WSB1: variants seen among roughly 807,000 people sequenced by gnomAD.
WSB1 encodes the protein WD repeat and SOCS box-containing protein 1.
In WSB1, 23 loss-of-function variants were observed where a neutral mutation model predicts 50.2. The ratio of observed to expected loss-of-function variants is 0.46; its 90% CI spans 0.33 to 0.65. The LOEUF (loss-of-function observed/expected upper bound fraction) is 0.65, where lower values mean the gene tolerates loss of function less well. Ranked by LOEUF, WSB1 falls within the 30% of genes least tolerant of loss-of-function variation. The probability of loss-of-function intolerance (pLI) is 0.02; values close to 1 mark genes in which losing one functional copy is unlikely to be tolerated. For synonymous variants in WSB1, 179 were observed against 172.0 expected, an observed-to-expected ratio of 1.04 and a Z score of -0.32; for missense variants, 492 against 522.3, an observed-to-expected ratio of 0.94 and a Z score of 0.56.
At chr17:27,302,270 G>A (rs1253793361) in intron 2 of WSB1, among the ~76,000 whole-genome samples, 3 of 152,046 alleles carry the variant, frequency 2.0e-5, no homozygotes, top group African/African-American at 7.2e-5. Flanking sequence ...AACTAGCTGG[G>A]CGTGGTGTGG....
intron 1 of WSB1, among the ~76,000 whole-genome samples, chr17:27,296,304 ACTAG>A (rs2016978135): frequency 6.8e-6 from 1 of 146,750 alleles, no homozygotes; most frequent in Admixed American, 6.7e-5. Context: ...ATAAAAACTT[ACTAG>A]CTAAGTGCCA....
chr17:27,312,163 A>T, intron 8 of WSB1, 47 bp from the exon 9 acceptor site: 1 of 1,568,958 alleles, frequency 6.4e-7, no homozygotes, highest in Non-Finnish European at 8.6e-7. Context: ...AGCAACACTG[A>T]AATACATATA....
intron 5 of WSB1, 83 bp downstream of exon 5, chr17:27,306,965 TGAA>T: frequency 7.6e-7 from 1 of 1,320,624 alleles, no homozygotes; most frequent in Non-Finnish European, 1.1e-6. Context: ...AAGTAACCTA[TGAA>T]GTCTGTGCTC....
rs1477152877 is a variant in WSB1 at position 27,306,807 on chromosome 17, G to A, written c.636G>A (p.Gly212=). Reference sequence around the variant, plus strand: ...GAAACATGATGAAAGTATTGAGGGGGCATCAGAATTGGGTGTACAGCTGTG... The same window carrying A: ...GAAACATGATGAAAGTATTGAGGGGACATCAGAATTGGGTGTACAGCTGTG... ...DDGNMMKVLR[G]HQNWVYSCAF... The change falls in exon 5 of 9, where the codon GGG becomes GGA. Residue 212 remains glycine (G), a synonymous_variant. Transcript: ENST00000262394. 6.2e-6 allele frequency: 10 copies of A among 1,613,998 alleles called. No homozygotes were observed. Among genetic ancestry groups the A allele is most frequent in the Admixed American group, 1.7e-5 (1 of 59,992 alleles).
chr17:27,295,032 G>A (rs1273338174), intron 1 of WSB1, among the ~76,000 whole-genome samples: 2 of 152,206 alleles, frequency 1.3e-5, no homozygotes. Flanking sequence ...CAGAAGGAAA[G>A]CTTTTGTGCG....
intron 1 of WSB1, chr17:27,297,313 G>C (rs1055112148): frequency 6.6e-6 from 1 of 151,854 alleles, no homozygotes; most frequent in African/African-American, 2.4e-5. Context: ...TTACAGGTTC[G>C]TGCCACCACA....
chr17:27,303,722 T>G, intron 3 of WSB1, 87 bp downstream of exon 3: 1 of 1,501,868 alleles, frequency 6.7e-7, no homozygotes, highest in Non-Finnish European at 8.9e-7. Flanking sequence ...TTTGAGGATT[T>G]CAGCTTACTG....
At chr17:27,310,838 T>G (rs2017650834) in intron 7 of WSB1, among the ~76,000 whole-genome samples, 1 of 152,198 alleles carries the variant, frequency 6.6e-6, no homozygotes, top group Non-Finnish European at 1.5e-5. Flanking sequence ...TTTTTTCCTT[T>G]CCTGGTTTTT....
At chr17:27,307,099 TAATG>T (rs979359769) in intron 5 of WSB1, 38 of 538,382 alleles carry the variant, frequency 7.1e-5, no homozygotes, top group Non-Finnish European at 1.1e-4. Context: ...TAATAGATAA[TAATG>T]GGCATATCAG....
chr17:27,311,767 G>T, intron 8 of WSB1, 151 bp downstream of exon 8: 1 of 614,654 alleles, frequency 1.6e-6, no homozygotes, highest in East Asian at 2.9e-5. Context: ...GAGTAGCTGG[G>T]ACTACAGGTG....
intron 1 of WSB1, among the ~76,000 whole-genome samples, chr17:27,296,143 G>A (rs1438169870): frequency 2.0e-5 from 3 of 151,982 alleles, no homozygotes; most frequent in Non-Finnish European, 4.4e-5. Context: ...TTCCGGTTTT[G>A]TTTTCTAAGA....
chr17:27,296,774 C>T (rs1259685390), intron 1 of WSB1, among the ~76,000 whole-genome samples: 4 of 152,150 alleles, frequency 2.6e-5, no homozygotes, highest in Non-Finnish European at 4.4e-5. Context: ...CAGCCTTTCC[C>T]TTAATAAGGT....
At position 27,309,122 on chromosome 17, in the gene WSB1, A is replaced by G. The variant is rs1409014598; in HGVS notation, c.734A>G (p.Lys245Arg). Residue 245 changes from lysine to arginine, a missense_variant, in exon 6 of 9, where the codon AAA becomes AGA. Coordinates refer to ENST00000262394, the MANE Select transcript of WSB1 (RefSeq NM_015626.10). ...CAGGTTTTCCTTTGGAATATGGATA[A>G]ATACACCATGATACGGAAACTAGAA... ...SKAVFLWNMD[K>R]YTMIRKLEGH... 1.2e-6 allele frequency: 2 copies of G among 1,608,290 alleles called. No individual in the cohort carries two copies. Among genetic ancestry groups the G allele is most frequent in the East Asian group, 4.5e-5 (2 of 44,742 alleles).
At position 27,312,198 on chromosome 17, in the gene WSB1, G is replaced by GT. The variant is rs2017711047; in HGVS notation, c.1107-9dup. 7 of 1,595,934 alleles carry GT rather than the reference G, an allele frequency of 4.4e-6. No individual in the cohort carries two copies. The South Asian group carries it at 6.8e-5, about 15-fold the overall frequency. On this transcript the variant is annotated splice_polypyrimidine_tract_variant and intron_variant, in intron 8 of 8. Transcript: ENST00000262394. ...ACTTGGGTGACTAAGCATGTGCTTT[G>GT]TTTCTGTTTAGGACACATGACGGAA... is the stretch of plus-strand genomic sequence containing the variant.
chr17:27,304,630 T>C, intron 3 of WSB1, 150 bp from the exon 4 acceptor site: 1 of 569,468 alleles, frequency 1.8e-6, no homozygotes, highest in Non-Finnish European at 2.8e-6. Context: ...GGGGATTGCT[T>C]GAACCCAGGA....
rs1430736612 is a variant in WSB1, at chr17:27,313,506, G to A, written c.*1137G>A. On this transcript the variant is annotated 3_prime_UTR_variant, in exon 9 of 9. Transcript: ENST00000262394. Reference sequence around the variant, plus strand: ...GGTGAGTTGCCAAAGAAGCAATACAGCATATCTGCTTTTGCCTTCTGTTGT... The same window carrying A: ...GGTGAGTTGCCAAAGAAGCAATACAACATATCTGCTTTTGCCTTCTGTTGT... 6.6e-6 allele frequency: 1 copy of A among 151,776 alleles called. No individual in the cohort carries two copies. The highest frequency in any genetic ancestry group is 2.1e-4 in the South Asian group (1 of 4,814). The allele number at this position is 151,776 out of a possible 1,614,324, so 9.4% of individuals were successfully genotyped here.
At chr17:27,298,077 A>T (rs942534087) in intron 1 of WSB1, among the ~76,000 whole-genome samples, 90 of 148,150 alleles carry the variant, frequency 6.1e-4, no homozygotes, top group African/African-American at 2.2e-3. Context: ...GTGAGCGGAG[A>T]TCATGCCACT....
At chr17:27,294,482 A>T (rs1567680242) in intron 1 of WSB1, 47 bp downstream of exon 1, 1 of 1,606,336 alleles carries the variant, frequency 6.2e-7, no homozygotes, top group East Asian at 2.3e-5. Context: ...GAGGAGAGGC[A>T]GGGACTCCCC....
intron 4 of WSB1, among the ~76,000 whole-genome samples, chr17:27,305,220 T>C (rs2017398766): frequency 6.6e-6 from 1 of 152,190 alleles, no homozygotes; most frequent in African/African-American, 2.4e-5. Context: ...CCAGTCTGTG[T>C]TTATGTCCTC....
Sources: allele counts gnomAD v4.1 joint callset (sites outside exome capture counted in the v4.1 genomes callset), GRCh38; gene constraint gnomAD v4.1.1; transcripts MANE v1.5; gene names NCBI Gene and HGNC (gene_info 2026-07-23, HGNC 2026-07-21).